LMO7: variants seen among roughly 807,000 people sequenced by gnomAD.
LMO7 encodes the protein LIM domain only protein 7.
A neutral mutation model predicts 206.5 loss-of-function variants in LMO7; 120 were observed. That is an observed-to-expected ratio of 0.58 (90% CI 0.50 to 0.68). The LOEUF (loss-of-function observed/expected upper bound fraction) is 0.68. Ranked by LOEUF, LMO7 falls within the 30% of genes least tolerant of loss-of-function variation. The pLI, the probability that LMO7 is intolerant of heterozygous loss-of-function variation, is 0.00. For missense variants in LMO7, 1,959 were observed against 1,957.9 expected, an observed-to-expected ratio of 1.00 and a Z score of -0.01; for synonymous variants, 706 against 681.5, an observed-to-expected ratio of 1.04 and a Z score of -0.56.
At chr13:75,725,329 A>G (rs1032811517) in intron 2 of LMO7, among the ~76,000 whole-genome samples, 1 of 152,082 alleles carries the variant, frequency 6.6e-6, no homozygotes, top group Non-Finnish European at 1.5e-5. Context: ...CTCAGCTCAT[A>G]ATGGCCTCTA....
chr13:75,773,433 T>C (rs1010404259), intron 4 of LMO7, among the ~76,000 whole-genome samples: 1 of 152,080 alleles, frequency 6.6e-6, no homozygotes, highest in African/African-American at 2.4e-5. Flanking sequence ...AGTAATGAAG[T>C]AGCCTACACA....
At chr13:75,636,254 C>T, upstream of LMO7, 1 of 985,906 alleles carries the variant, frequency 1.0e-6, no homozygotes. Flanking sequence ...TCGGCGGGCC[C>T]CGGGAGGGCG....
intron 4 of LMO7, among the ~76,000 whole-genome samples, chr13:75,788,452 CAA>C (rs10638523): frequency 1.3e-4 from 8 of 59,966 alleles, no homozygotes; most frequent in African/African-American, 1.4e-4. Context: ...AACTCTGCCT[CAA>C]AAAAAAAAAA....
At chr13:75,819,179 G>T in intron 12 of LMO7, 1 of 421,910 alleles carries the variant, frequency 2.4e-6, no homozygotes, top group Non-Finnish European at 4.2e-6. Flanking sequence ...ACAAAAATGG[G>T]GTCTATCTTA....
intron 3 of LMO7, among the ~76,000 whole-genome samples, chr13:75,745,121 C>T (rs985305648): frequency 2.6e-5 from 4 of 152,062 alleles, no homozygotes; most frequent in African/African-American, 9.7e-5. Flanking sequence ...TGATCAGGAG[C>T]CTGGAGTGGG....
At chr13:75,739,397 T>C (rs936611969) in intron 3 of LMO7, among the ~76,000 whole-genome samples, 1 of 152,162 alleles carries the variant, frequency 6.6e-6, no homozygotes, top group Admixed American at 6.5e-5. Flanking sequence ...GGCATGACCA[T>C]AGAGGCTGGG....
At chr13:75,693,918 T>C (rs1469101298) in intron 1 of LMO7, among the ~76,000 whole-genome samples, 2 of 152,192 alleles carry the variant, frequency 1.3e-5, no homozygotes, top group African/African-American at 4.8e-5. Flanking sequence ...TGATTTGTGC[T>C]CTTTAGTCTC....
At chr13:75,652,614 AGTGTGTGTGT>A (rs59671117) in intron 1 of LMO7, among the ~76,000 whole-genome samples, 199 of 137,946 alleles carry the variant, frequency 1.4e-3, no homozygotes, top group African/African-American at 4.5e-3. Context: ...CCACAAGTTC[AGTGTGTGTGT>A]GTGTGTGTGT....
At chr13:75,836,492 C>G (rs1306726727) in intron 19 of LMO7, 35 bp downstream of exon 19, 1 of 1,064,408 alleles carries the variant, frequency 9.4e-7, no homozygotes, top group Non-Finnish European at 1.4e-6. Flanking sequence ...ATTTATAATA[C>G]AGGAAAAGAC....
At position 75,853,209 on chromosome 13, in the gene LMO7, AC is replaced by A. The variant is rs1276624520; in HGVS notation, c.4484del (p.Pro1495HisfsTer28). ...SSSVQDFSRPPPQLVSTSNRA... is the reference protein window; with the variant it reads ...SSSVQDFSRPXPQLVSTSNRA... Reference sequence around the variant, plus strand: ...CCTCTGTGCAAGACTTTAGTCGCCCACCACCTCAGCTGGTGTCCACATCAAA... The same window carrying A: ...CCTCTGTGCAAGACTTTAGTCGCCCACACCTCAGCTGGTGTCCACATCAAA... On this transcript the variant is annotated frameshift_variant, in exon 28 of 31. Coordinates refer to ENST00000377534, the MANE Select transcript of LMO7 (RefSeq NM_001306080.2). LOFTEE classifies it high-confidence loss of function. The A allele has an allele frequency of 6.2e-7, 1 of 1,614,110 alleles. No homozygotes were observed. The highest frequency in any genetic ancestry group is 2.2e-5 in the East Asian group (1 of 44,872).
intron 1 of LMO7, among the ~76,000 whole-genome samples, chr13:75,669,016 T>A (rs1377165786): frequency 6.6e-6 from 1 of 152,152 alleles, no homozygotes; most frequent in Non-Finnish European, 1.5e-5. Context: ...GGAGGAATAT[T>A]TTGACTGAGA....
chr13:75,710,922 A>G (rs1379568224), intron 1 of LMO7, among the ~76,000 whole-genome samples: 1 of 151,842 alleles, frequency 6.6e-6, no homozygotes, highest in Non-Finnish European at 1.5e-5. Flanking sequence ...TCATTATGAT[A>G]TTGTCTGTGG....
At chr13:75,711,598 C>G (rs985124674) in intron 1 of LMO7, among the ~76,000 whole-genome samples, 1 of 152,242 alleles carries the variant, frequency 6.6e-6, no homozygotes, top group African/African-American at 2.4e-5. Context: ...TGCTTCGGCT[C>G]ACGCTCGGTG....
chr13:75,800,620 C>A, intron 6 of LMO7, 64 bp from the exon 7 acceptor site: 1 of 1,444,504 alleles, frequency 6.9e-7, no homozygotes, highest in Non-Finnish European at 9.7e-7. Flanking sequence ...CAAGTAATAA[C>A]CGATTGATTA....
chr13:75,727,955 G>A (rs568955779), intron 3 of LMO7, among the ~76,000 whole-genome samples: 40 of 151,938 alleles, frequency 2.6e-4, no homozygotes, highest in African/African-American at 7.2e-4. Flanking sequence ...GGACATGAAC[G>A]CATCATTTTT....
At chr13:75,857,216 G>A (rs2061032995) in intron 30 of LMO7, 1 of 152,290 alleles carries the variant, frequency 6.6e-6, no homozygotes, top group African/African-American at 2.4e-5. Context: ...GTGTTTGTGT[G>A]TTATAAAAGG....
intron 20 of LMO7, 191 bp downstream of exon 20, chr13:75,838,387 TGG>T (rs2139120827): frequency 3.4e-6 from 5 of 1,471,816 alleles, no homozygotes; most frequent in Non-Finnish European, 4.5e-6. Context: ...TCTACCTCTG[TGG>T]TAATGGGTCT....
chr13:75,798,201 T>C (rs1286299035), intron 6 of LMO7, among the ~76,000 whole-genome samples: 2 of 152,104 alleles, frequency 1.3e-5, no homozygotes, highest in Non-Finnish European at 2.9e-5. Context: ...AGAAACCTCA[T>C]CTCTACTAAA....
chr13:75,801,313 T>C (rs2054701381), intron 7 of LMO7, among the ~76,000 whole-genome samples: 2 of 152,112 alleles, frequency 1.3e-5, no homozygotes. Context: ...AAAAACTCTC[T>C]TAAGCAAAAA....
Sources: allele counts gnomAD v4.1 joint callset (sites outside exome capture counted in the v4.1 genomes callset), GRCh38; gene constraint gnomAD v4.1.1; transcripts MANE v1.5; gene names NCBI Gene and HGNC (gene_info 2026-07-23, HGNC 2026-07-21).